JAZF1: variants seen among roughly 807,000 people sequenced by gnomAD.
JAZF1 encodes the protein JAZF zinc finger 1.
JAZF1 carries 8 observed loss-of-function variants against 26.4 expected under a neutral mutation model. The ratio of observed to expected loss-of-function variants is 0.30; its 90% CI spans 0.18 to 0.55. The LOEUF (loss-of-function observed/expected upper bound fraction) is 0.55, where lower values mean the gene tolerates loss of function less well. Among genes scored for constraint, JAZF1 ranks in the 20% least tolerant of loss-of-function variants. The pLI, the probability that JAZF1 is intolerant of heterozygous loss-of-function variation, is 0.94. For missense variants in JAZF1, 199 were observed against 322.0 expected (o/e 0.62, Z 2.92); for synonymous variants, 126 against 122.3 (o/e 1.03, Z -0.20).
At chr7:28,001,844 A>G (rs1437523488) in intron 1 of JAZF1, among the ~76,000 whole-genome samples, 1 of 152,222 alleles carries the variant, frequency 6.6e-6, no homozygotes, top group African/African-American at 2.4e-5. Flanking sequence ...ATGTAGAAAT[A>G]TAAGATTCGA....
chr7:28,101,551 A>C (rs1784471250), intron 1 of JAZF1, among the ~76,000 whole-genome samples: 1 of 143,612 alleles, frequency 7.0e-6, no homozygotes, highest in Non-Finnish European at 1.5e-5. Flanking sequence ...CAGACTGGAC[A>C]GCATAATGAG....
At chr7:27,994,470 AAC>A (rs1491023180) in intron 1 of JAZF1, among the ~76,000 whole-genome samples, 5 of 72,152 alleles carry the variant, frequency 6.9e-5, no homozygotes, top group African/African-American at 1.4e-4. Context: ...AACAAAAAAA[AAC>A]ACACACACAC....
intron 1 of JAZF1, among the ~76,000 whole-genome samples, chr7:27,998,200 C>T (rs926915825): frequency 6.6e-6 from 1 of 152,130 alleles, no homozygotes; most frequent in Admixed American, 6.6e-5. Context: ...GCCCTGCGTC[C>T]TGAGTCTTAT....
At chr7:27,943,420 G>A (rs1784878367) in intron 2 of JAZF1, among the ~76,000 whole-genome samples, 1 of 152,202 alleles carries the variant, frequency 6.6e-6, no homozygotes, top group Non-Finnish European at 1.5e-5. Flanking sequence ...GATGGCTAAT[G>A]AGGCCCAGAT....
intron 1 of JAZF1, among the ~76,000 whole-genome samples, chr7:28,032,186 C>A (rs141173387): frequency 6.6e-6 from 1 of 152,168 alleles, no homozygotes; most frequent in African/African-American, 2.4e-5. Flanking sequence ...AACATGATTT[C>A]TTCCTTACTT....
intron 3 of JAZF1, among the ~76,000 whole-genome samples, chr7:27,886,633 T>C (rs1231645152): frequency 2.6e-5 from 4 of 152,258 alleles, no homozygotes; most frequent in Non-Finnish European, 2.9e-5. Flanking sequence ...TCTGTGCTAA[T>C]GTAGCCCATG....
chr7:28,098,429 GTCT>G (rs1784418514), intron 1 of JAZF1, among the ~76,000 whole-genome samples: 4 of 151,860 alleles, frequency 2.6e-5, no homozygotes. Flanking sequence ...GACCAAGTAC[GTCT>G]TCTTCATCTT....
chr7:27,974,887 GT>G (rs11351713), intron 2 of JAZF1, among the ~76,000 whole-genome samples: 109,545 of 138,446 alleles, frequency 0.79, 43,570 homozygotes, highest in African/African-American at 0.91. Context: ...GCCTTAGGGA[GT>G]TTTTTTTTTT....
At chr7:28,061,496 G>A (rs1248457213) in intron 1 of JAZF1, among the ~76,000 whole-genome samples, 1 of 152,200 alleles carries the variant, frequency 6.6e-6, no homozygotes, top group Non-Finnish European at 1.5e-5. Context: ...GACCAAGAGG[G>A]AGTACAATGA....
chr7:28,050,381 G>C (rs948275759), intron 1 of JAZF1, among the ~76,000 whole-genome samples: 6 of 152,140 alleles, frequency 3.9e-5, no homozygotes, highest in South Asian at 2.1e-4. Context: ...GTTTCTTTTG[G>C]GGGTGATGAA....
chr7:28,078,479 G>C (rs906536697), intron 1 of JAZF1, among the ~76,000 whole-genome samples: 1 of 152,096 alleles, frequency 6.6e-6, no homozygotes, highest in African/African-American at 2.4e-5. Context: ...GCCCTCTTGC[G>C]GTAGGCAGGC....
At chr7:27,947,308 C>T (rs1005216819) in intron 2 of JAZF1, among the ~76,000 whole-genome samples, 12 of 152,198 alleles carry the variant, frequency 7.9e-5, no homozygotes, top group African/African-American at 2.9e-4. Context: ...TCAAATACTT[C>T]CAAGATTAAA....
chr7:28,174,315 T>C (rs1783516639), intron 1 of JAZF1, among the ~76,000 whole-genome samples: 2 of 152,260 alleles, frequency 1.3e-5, no homozygotes, highest in African/African-American at 2.4e-5. Flanking sequence ...AGAAACATTG[T>C]CTCCTGTCTC....
chr7:28,069,192 T>C (rs1202377253), intron 1 of JAZF1, among the ~76,000 whole-genome samples: 3 of 152,246 alleles, frequency 2.0e-5, no homozygotes, highest in African/African-American at 7.2e-5. Flanking sequence ...GAGCCAGCTA[T>C]CTGGACTCCC....
intron 2 of JAZF1, among the ~76,000 whole-genome samples, chr7:27,944,881 T>A (rs1177769045): frequency 2.0e-5 from 3 of 152,208 alleles, no homozygotes; most frequent in African/African-American, 7.2e-5. Context: ...TTGGATCATT[T>A]GGCTTTGCAG....
Position 28,180,688 on chromosome 7 carries a change from A to T in JAZF1, c.-111T>A. The T allele has an allele frequency of 8.2e-6, 2 of 243,234 alleles. No individual in the cohort carries two copies. The highest frequency in any genetic ancestry group is 7.9e-6 in the Non-Finnish European group (1 of 126,766). The allele number at this position is 243,234 out of a possible 1,614,324, so 15.1% of individuals were successfully genotyped here. A position where few individuals can be genotyped will look rare whatever the true frequency, so the allele number is the denominator to read the frequency against. On this transcript the variant is annotated 5_prime_UTR_variant, in exon 1 of 5. Transcript: ENST00000283928. ...AGGAGGGGCTGGGGGAGGGGGAGAG[A>T]GGCGGGGTGAGGGGAGCGGCGAGGA...
At chr7:28,082,851 A>G (rs1488393942) in intron 1 of JAZF1, among the ~76,000 whole-genome samples, 1 of 152,126 alleles carries the variant, frequency 6.6e-6, no homozygotes, top group East Asian at 1.9e-4. Context: ...TCCACAAGGT[A>G]GCCAGGGCCA....
chr7:28,145,305 G>C (rs1023077278), intron 1 of JAZF1, among the ~76,000 whole-genome samples: 1 of 152,198 alleles, frequency 6.6e-6, no homozygotes, highest in African/African-American at 2.4e-5. Flanking sequence ...TCCGGGTACT[G>C]AGGGTATGAA....
rs189749114 is a variant in JAZF1 at position 28,138,296 on chromosome 7, G to T, written c.115+42167C>A. ...GCCAGCCAGGTAAGACAGGCACAGA[G>T]AACAAGTTAATAATGGCCTAAATAT... On this transcript the variant is annotated intron_variant, in intron 1 of 4. Transcript: ENST00000283928. Among the ~76,000 whole-genome samples the T allele has an allele frequency of 2.6e-4, 39 of 152,278 alleles. No individual in the cohort carries two copies. The East Asian group carries it at 3.7e-3, about 14-fold the overall frequency.
Sources: allele counts gnomAD v4.1 joint callset (sites outside exome capture counted in the v4.1 genomes callset), GRCh38; gene constraint gnomAD v4.1.1; transcripts MANE v1.5; gene names NCBI Gene and HGNC (gene_info 2026-07-23, HGNC 2026-07-21).